Variants in TYMS observed in about 807,000 individuals in gnomAD.
The protein encoded by TYMS is thymidylate synthase.
In TYMS, 21 loss-of-function variants were observed where a neutral mutation model predicts 39.3. That is an observed-to-expected ratio of 0.54 (90% CI 0.38 to 0.77). The LOEUF is 0.77. Ranked by LOEUF, TYMS falls within the 30% of genes least tolerant of loss-of-function variation. TYMS has a pLI of 0.00. For synonymous variants in TYMS, 171 were observed against 162.2 expected, an observed-to-expected ratio of 1.05 and a Z score of -0.41; for missense variants, 273 against 406.7, an observed-to-expected ratio of 0.67 and a Z score of 2.83.
In TYMS at chr18:668,552, G is replaced by C. The variant is rs116736801; in HGVS notation, c.455-520G>C. 7.9e-3 allele frequency among the ~76,000 whole-genome samples: 1,203 copies of C among 152,310 alleles called. 14 individuals carry two copies. The highest frequency in any genetic ancestry group is 0.028 in the African/African-American group (1,149 of 41,566). ...CTAAACTCTAAAGTAATTTTAGGTGGAAGTGTTGGAAACATGCTGCTGAGG... is the reference window on the plus strand; with the variant it reads ...CTAAACTCTAAAGTAATTTTAGGTGCAAGTGTTGGAAACATGCTGCTGAGG... On this transcript the variant is annotated intron_variant, in intron 3 of 6. Transcript: ENST00000323274.
At position 658,359 on chromosome 18, in the gene TYMS, T is replaced by G; in HGVS notation, c.205+412T>G. The G allele has an allele frequency of 1.5e-6, 2 of 1,294,060 alleles. No homozygotes were observed. Among genetic ancestry groups the G allele is most frequent in the African/African-American group, 1.5e-5 (1 of 64,910 alleles). The allele number at this position is 1,294,060 out of a possible 1,614,324, so 80.2% of individuals were successfully genotyped here. A position where few individuals can be genotyped will look rare whatever the true frequency, so the allele number is the denominator to read the frequency against. On this transcript the variant is annotated intron_variant, in intron 1 of 6. Coordinates refer to ENST00000323274, the MANE Select transcript of TYMS (RefSeq NM_001071.4). The surrounding 1 kb of genome is among the most constrained non-coding windows in gnomAD (Gnocchi z 4.5). ...CTCCTCCGTTTTCCCCTGTGGACCATTCCGCTTCGCAGCGTTTTCAAAAAC... is the reference window on the plus strand; with the variant it reads ...CTCCTCCGTTTTCCCCTGTGGACCAGTCCGCTTCGCAGCGTTTTCAAAAAC...
chr18:666,149 T>G (rs2074811242), intron 3 of TYMS, among the ~76,000 whole-genome samples: 2 of 100,726 alleles, frequency 2.0e-5, no homozygotes, highest in Admixed American at 8.3e-5. Flanking sequence ...TGTGGGAGTC[T>G]AAGTCTCTTT....
intron 3 of TYMS, chr18:667,617 G>GGGTGAT (rs1555639873): frequency 2.1e-5 from 1 of 46,618 alleles, no homozygotes; most frequent in East Asian, 4.7e-4. Flanking sequence ...TGATGGAGAT[G>GGGTGAT]GGTGATGGTG....
At chr18:669,872 G>C (rs1223730146) in intron 4 of TYMS, among the ~76,000 whole-genome samples, 1 of 151,784 alleles carries the variant, frequency 6.6e-6, no homozygotes, top group Non-Finnish European at 1.5e-5. Flanking sequence ...CAAGGCGAGA[G>C]GATCATTTGA....
intron 6 of TYMS, chr18:671,663 A>C (rs2075056889): frequency 5.1e-6 from 3 of 586,918 alleles, no homozygotes; most frequent in Non-Finnish European, 8.9e-6. Context: ...AGGTGCTGTG[A>C]GGTACTAAGC....
intron 4 of TYMS, 98 bp from the exon 5 acceptor site, chr18:670,594 A>G: frequency 2.2e-6 from 3 of 1,341,344 alleles, no homozygotes; most frequent in South Asian, 1.3e-5. Context: ...GGTCTCCACC[A>G]TATGAGTTGG....
At chr18:661,956 G>A (rs1188186232) in intron 2 of TYMS, among the ~76,000 whole-genome samples, 190 bp from the exon 3 acceptor site, 2 of 152,238 alleles carry the variant, frequency 1.3e-5, no homozygotes, top group Non-Finnish European at 2.9e-5. Context: ...TTGCACTCCA[G>A]CCTGGGCAAC....
intron 4 of TYMS, among the ~76,000 whole-genome samples, chr18:669,852 C>T (rs929287624): frequency 3.3e-5 from 5 of 151,810 alleles, no homozygotes; most frequent in Non-Finnish European, 5.9e-5. Context: ...ATTCCAACAA[C>T]TCCAGAGGCC....
At position 657,785 on chromosome 18, in the gene TYMS, C is replaced by A. The variant is rs188268314; in HGVS notation, c.43C>A (p.Pro15Thr). ...GGAGCTGCCGCGCCGGCCCTTGCCCCCCGCCGCACAGGAGCGGGACGCCGA... is the reference window on the plus strand; with the variant it reads ...GGAGCTGCCGCGCCGGCCCTTGCCCACCGCCGCACAGGAGCGGGACGCCGA... ...GSELPRRPLP[P>T]AAQERDAEPR... The change falls in exon 1 of 7, where the codon CCC becomes ACC. Residue 15 changes from proline to threonine, a missense_variant. Around this residue, in one of 3 missense-constraint regions of TYMS, gnomAD observed 228 missense variants for 326.1 expected, o/e 0.70. Transcript: ENST00000323274. The A allele has an allele frequency of 1.4e-6, 2 of 1,452,224 alleles. No individual in the cohort carries two copies. The highest frequency in any genetic ancestry group is 1.5e-5 in the African/African-American group (1 of 66,748). 90.0% of individuals were successfully genotyped at this position (1,452,224 alleles called of 1,614,324 possible). A position where few individuals can be genotyped will look rare whatever the true frequency, so the allele number is the denominator to read the frequency against.
intron 3 of TYMS, among the ~76,000 whole-genome samples, chr18:663,409 G>T (rs1466161407): frequency 2.0e-5 from 2 of 102,062 alleles, no homozygotes; most frequent in Admixed American, 8.3e-5. Context: ...GTAGATTCTG[G>T]ATATTAGCTC....
rs1197898181 is a variant in TYMS, at chr18:671,365, C to A, written c.733-15C>A. 1.9e-6 allele frequency: 3 copies of A among 1,572,230 alleles called. No individual in the cohort carries two copies. The highest frequency in any genetic ancestry group is 2.2e-5 in the South Asian group (2 of 90,216). ...AAACTAACATACTGTTCTGCTTTCTCCCCCGGGTTTATAGCCAGGTGACTT... is the reference window on the plus strand; with the variant it reads ...AAACTAACATACTGTTCTGCTTTCTACCCCGGGTTTATAGCCAGGTGACTT... On this transcript the variant is annotated splice_polypyrimidine_tract_variant and intron_variant, in intron 5 of 6. Coordinates refer to ENST00000323274, the MANE Select transcript of TYMS (RefSeq NM_001071.4).
chr18:669,314 A>C, intron 4 of TYMS, 141 bp downstream of exon 4: 1 of 614,386 alleles, frequency 1.6e-6, no homozygotes, highest in Non-Finnish European at 2.8e-6. Flanking sequence ...ACGTTGGGCA[A>C]GTCACATTTT....
At chr18:662,066 T>TAA (rs2074761684) in intron 2 of TYMS, 80 bp from the exon 3 acceptor site, 5 of 1,446,212 alleles carry the variant, frequency 3.5e-6, no homozygotes, top group Middle Eastern at 2.5e-4. Flanking sequence ...GAGGCCCTTG[T>TAA]AAGTGGTGTC....
At chr18:668,977 C>G in intron 3 of TYMS, 95 bp from the exon 4 acceptor site, 1 of 1,030,610 alleles carries the variant, frequency 9.7e-7, no homozygotes, top group South Asian at 1.6e-5. Context: ...AGGGGGGACC[C>G]TGGGTAAGAG....
chr18:665,525 T>C (rs1292030648), intron 3 of TYMS, among the ~76,000 whole-genome samples: 2 of 136,226 alleles, frequency 1.5e-5, no homozygotes, highest in Non-Finnish European at 3.1e-5. Context: ...TCAGTTCTGC[T>C]CTGATTTTAG....
intron 6 of TYMS, 100 bp from the exon 7 acceptor site, chr18:672,760 C>T (rs760217658): frequency 1.8e-5 from 24 of 1,341,534 alleles, no homozygotes; most frequent in Non-Finnish European, 2.4e-5. Context: ...TAAAATAGAA[C>T]TTTGTTGATC....
chr18:671,869 T>A (rs1157544702), intron 6 of TYMS: 1 of 177,926 alleles, frequency 5.6e-6, no homozygotes, highest in Non-Finnish European at 1.2e-5. Context: ...AACCTCCACC[T>A]CCCGGGTTCA....
rs771582451 is a variant in TYMS, at chr18:670,668, T to C, written c.557-24T>C. ...GGTCTTTCAAACCACCATCCCTCCT[T>C]ATCTTCCTCTGCTGGTTCCTCAGAT... On this transcript the variant is annotated intron_variant, in intron 4 of 6. Coordinates refer to ENST00000323274, the MANE Select transcript of TYMS (RefSeq NM_001071.4). 18 of 1,612,044 alleles carry C rather than the reference T, an allele frequency of 1.1e-5. No homozygotes were observed. In the South Asian group the frequency reaches 1.4e-4, roughly 13 times the overall value.
In TYMS at chr18:672,911, G is replaced by A. The variant is rs369187265; in HGVS notation, c.856G>A (p.Glu286Lys). 3.8e-6 allele frequency: 6 copies of A among 1,599,292 alleles called. No individual in the cohort carries two copies. Among genetic ancestry groups the A allele is most frequent in the Non-Finnish European group, 4.3e-6 (5 of 1,168,354 alleles). The change falls in exon 7 of 7, where the codon GAG becomes AAG. Residue 286 changes from glutamate to lysine, a missense_variant. By Grantham distance (56) the Glu-to-Lys change is moderately conservative. Transcript: ENST00000323274. ...AAAGCTCAGGATTCTTCGAAAAGTT[G>A]AGAAAATTGATGACTTCAAAGCTGA... ...FPKLRILRKV[E>K]KIDDFKAEDF...
Sources: allele counts gnomAD v4.1 joint callset (sites outside exome capture counted in the v4.1 genomes callset), GRCh38; gene constraint gnomAD v4.1.1; regional missense constraint gnomAD v4.1.1; non-coding constraint Gnocchi (gnomAD v3.1); transcripts MANE v1.5; gene names NCBI Gene and HGNC (gene_info 2026-07-23, HGNC 2026-07-21).